The following POLR1A variants were observed in gnomAD, a reference collection of about 807,000 sequenced individuals.
POLR1A encodes the protein RNA polymerase I subunit A, also known as DNA-directed RNA polymerase I subunit RPA1.
In POLR1A, 84 loss-of-function variants were observed where a neutral mutation model predicts 205.3. The ratio of observed to expected loss-of-function variants is 0.41; its 90% CI spans 0.34 to 0.49. The LOEUF is 0.49. POLR1A is among the 20% of genes least tolerant of loss of function. The pLI, the probability that POLR1A is intolerant of heterozygous loss-of-function variation, is 0.22. For missense variants in POLR1A, 1,645 were observed against 2,204.5 expected (o/e 0.75, Z 5.08); for synonymous variants, 799 against 863.7 (o/e 0.93, Z 1.31).
At chr2:86,090,575 G>A (rs763376222) in intron 3 of POLR1A, among the ~76,000 whole-genome samples, 10 of 152,180 alleles carry the variant, frequency 6.6e-5, no homozygotes, top group African/African-American at 2.4e-4. Context: ...AGGGGAACTA[G>A]GAATCTAGCA....
intron 14 of POLR1A, among the ~76,000 whole-genome samples, chr2:86,057,263 T>A (rs749515721): frequency 6.6e-6 from 1 of 151,982 alleles, no homozygotes; most frequent in African/African-American, 2.4e-5. Flanking sequence ...GTAGTAGAAA[T>A]AGAACTAGAA....
At position 86,078,215 on chromosome 2, in the gene POLR1A, T is replaced by C; in HGVS notation, c.1156A>G (p.Lys386Glu). The change falls in exon 10 of 34, where the codon AAA (lysine) becomes GAA (glutamate). Residue 386 changes from lysine to glutamate, a missense_variant. By Grantham distance (56) the Lys-to-Glu change is moderately conservative. This residue lies in a region of POLR1A where 78 missense variants were observed against 77.7 expected (regional missense o/e 1.00). Transcript: ENST00000263857. ...STLPGQSLID[K>E]LYNIWIRLQS... Reference sequence around the variant, plus strand: ...AGGCGAATCCAAATGTTGTAAAGTTTGTCTATGAGGGACTGGCCTGGAAGT... The same window carrying C: ...AGGCGAATCCAAATGTTGTAAAGTTCGTCTATGAGGGACTGGCCTGGAAGT... The C allele has an allele frequency of 6.2e-7, 1 of 1,612,896 alleles. No homozygotes were observed. The highest frequency in any genetic ancestry group is 8.5e-7 in the Non-Finnish European group (1 of 1,179,742).
intron 29 of POLR1A, 37 bp from the exon 30 acceptor site, chr2:86,031,672 G>A (rs1235189109): frequency 3.2e-6 from 5 of 1,578,862 alleles, no homozygotes; most frequent in East Asian, 2.2e-5. Context: ...GTCACTTGGG[G>A]ACCCACCATC....
intron 11 of POLR1A, among the ~76,000 whole-genome samples, chr2:86,076,454 A>G (rs1673285890): frequency 6.6e-6 from 1 of 152,256 alleles, no homozygotes; most frequent in African/African-American, 2.4e-5. Flanking sequence ...GGAGCACATT[A>G]GTCTGTGCTT....
chr2:86,094,526 C>A (rs142070863), intron 3 of POLR1A, among the ~76,000 whole-genome samples: 161 of 152,230 alleles, frequency 1.1e-3, no homozygotes, highest in African/African-American at 3.7e-3. Context: ...CTCCAAGAAG[C>A]TTTTTTAGTG....
rs1359711485 is a variant in POLR1A, at chr2:86,049,147, A to C, written c.2475+13T>G. On this transcript the variant is annotated intron_variant, in intron 17 of 33. Coordinates refer to ENST00000263857, the MANE Select transcript of POLR1A (RefSeq NM_015425.6). ...CCTCTAGGGCAGGCCACGGCCTCGA[A>C]GTCCCTCCTTACCTGGGGCCCGCAG... is the stretch of plus-strand genomic sequence containing the variant. 1 of 1,612,468 alleles carries C rather than the reference A, an allele frequency of 6.2e-7. No individual in the cohort carries two copies. Among genetic ancestry groups the C allele is most frequent in the South Asian group, 1.1e-5 (1 of 91,052 alleles).
chr2:86,088,062 T>G (rs1043342854), intron 6 of POLR1A, among the ~76,000 whole-genome samples: 1 of 151,884 alleles, frequency 6.6e-6, no homozygotes, highest in Non-Finnish European at 1.5e-5. Context: ...TATCTCAAAA[T>G]TTTTCCCAAG....
intron 12 of POLR1A, among the ~76,000 whole-genome samples, chr2:86,073,749 A>T (rs1673223332): frequency 6.6e-6 from 1 of 152,148 alleles, no homozygotes; most frequent in African/African-American, 2.4e-5. Context: ...GTCTGCAGGG[A>T]CTGCAAAGTG....
chr2:86,055,877 A>G (rs60649958), intron 14 of POLR1A, among the ~76,000 whole-genome samples: 6,461 of 152,302 alleles, frequency 0.042, 255 homozygotes, highest in East Asian at 0.23. Flanking sequence ...GGACCAAGAC[A>G]AGGATGTCTA....
intron 10 of POLR1A, 34 bp downstream of exon 10, chr2:86,078,080 G>T: frequency 6.2e-7 from 1 of 1,612,628 alleles, no homozygotes; most frequent in South Asian, 1.1e-5. Context: ...TTTATCTTCT[G>T]TAGCTAGCAA....
chr2:86,083,345 TA>T (rs1419228246), intron 6 of POLR1A, among the ~76,000 whole-genome samples, 177 bp from the exon 7 acceptor site: 10 of 139,812 alleles, frequency 7.2e-5, no homozygotes, highest in Non-Finnish European at 1.6e-5. Context: ...TCTATAGTAA[TA>T]AAAACCATAT....
Position 86,028,571 on chromosome 2 carries a change from T to A in POLR1A, c.4897+23A>T, listed in dbSNP as rs779427751. 7 of 1,553,296 alleles carry A rather than the reference T, an allele frequency of 4.5e-6. No homozygotes were observed. In the South Asian group the frequency reaches 7.8e-5, roughly 17 times the overall value. ...CCTGGCTGGTGCCCAGACCTCGGGG[T>A]GTTATCTGCAAGCTCCCCTTACCAT... is the stretch of plus-strand genomic sequence containing the variant. On this transcript the variant is annotated intron_variant, in intron 32 of 33. Transcript: ENST00000263857. The surrounding 1 kb of genome is among the most constrained non-coding windows in gnomAD (Gnocchi z 4.5).
chr2:86,043,329 C>G (rs1348319795), intron 22 of POLR1A, 134 bp from the exon 23 acceptor site: 1 of 688,900 alleles, frequency 1.5e-6, no homozygotes, highest in African/African-American at 1.8e-5. Flanking sequence ...ATGATGGGGC[C>G]GAGCACCACT....
intron 6 of POLR1A, among the ~76,000 whole-genome samples, chr2:86,085,552 A>C (rs971783506): frequency 3.9e-5 from 6 of 152,174 alleles, no homozygotes; most frequent in Admixed American, 3.9e-4. Context: ...TGAGTGTCTG[A>C]ACTTTCTCTT....
intron 23 of POLR1A, 134 bp from the exon 24 acceptor site, chr2:86,042,237 T>A: frequency 1.5e-6 from 1 of 678,730 alleles, no homozygotes; most frequent in Non-Finnish European, 2.6e-6. Context: ...CATCTCCCCA[T>A]TTAAAATGGG....
rs1275334724 is a variant in POLR1A, at chr2:86,070,932, C to T, written c.1612-660G>A. ...ACTTAAAACACATTTTCTGTTGGCT[C>T]TTCAAGAAAAAAAAAAGCACCCACA... is the stretch of plus-strand genomic sequence containing the variant. On this transcript the variant is annotated intron_variant, in intron 12 of 33. Transcript: ENST00000263857. The surrounding 1 kb of genome is among the most constrained non-coding windows in gnomAD (Gnocchi z 4.4). 1.3e-5 allele frequency among the ~76,000 whole-genome samples: 2 copies of T among 151,506 alleles called. No individual in the cohort carries two copies. Among genetic ancestry groups the T allele is most frequent in the African/African-American group, 4.9e-5 (2 of 41,236 alleles).
intron 14 of POLR1A, among the ~76,000 whole-genome samples, chr2:86,057,722 C>G (rs1251926309): frequency 6.6e-6 from 1 of 152,104 alleles, no homozygotes; most frequent in Non-Finnish European, 1.5e-5. Context: ...TTGTTTGATA[C>G]AACTTATATG....
chr2:86,080,741 G>A, intron 9 of POLR1A, 75 bp downstream of exon 9: 3 of 1,399,470 alleles, frequency 2.1e-6, no homozygotes, highest in South Asian at 1.4e-5. Flanking sequence ...CCCAGACCCA[G>A]TGTCTACATC....
rs1427312323 is a variant in POLR1A, at chr2:86,052,972, C to G, written c.2237G>C (p.Cys746Ser). The G allele has an allele frequency of 6.3e-7, 1 of 1,594,156 alleles. No individual in the cohort carries two copies. The highest frequency in any genetic ancestry group is 2.3e-5 in the East Asian group (1 of 43,194). ...ATAGTGCGCCTTGTCCAGCACTCCG[C>G]AGAGCAGCTCCCCTTCCCTGATGAT... is the stretch of plus-strand genomic sequence containing the variant. ...QVIIREGELL[C>S]GVLDKAHYGS... The change falls in exon 16 of 34, where the codon TGC becomes TCC. Residue 746 changes from cysteine to serine, a missense_variant. This residue lies in a region of POLR1A where 339 missense variants were observed against 415.1 expected (regional missense o/e 0.82). Transcript: ENST00000263857.
Sources: allele counts gnomAD v4.1 joint callset (sites outside exome capture counted in the v4.1 genomes callset), GRCh38; gene constraint gnomAD v4.1.1; regional missense constraint gnomAD v4.1.1; non-coding constraint Gnocchi (gnomAD v3.1); transcripts MANE v1.5; gene names NCBI Gene and HGNC (gene_info 2026-07-23, HGNC 2026-07-21).